METAP1: variants seen among roughly 807,000 people sequenced by gnomAD.
The protein encoded by METAP1 is methionine aminopeptidase 1.
Under a neutral mutation model 53.8 loss-of-function variants are expected in METAP1, and 28 were observed. The ratio of observed to expected loss-of-function variants is 0.52; its 90% CI spans 0.39 to 0.71. METAP1 has a LOEUF of 0.71. Among genes scored for constraint, METAP1 ranks in the 30% least tolerant of loss-of-function variants. The pLI is 0.00. For missense variants in METAP1, 389 were observed against 479.8 expected, an observed-to-expected ratio of 0.81 and a Z score of 1.77; for synonymous variants, 181 against 165.7, an observed-to-expected ratio of 1.09 and a Z score of -0.71.
chr4:99,021,207 T>C (rs1225064272), intron 1 of METAP1, among the ~76,000 whole-genome samples: 1 of 152,170 alleles, frequency 6.6e-6, no homozygotes, highest in East Asian at 1.9e-4. Context: ...ACAGTCACTT[T>C]CTCTCAACCA....
At chr4:99,026,388 G>T (rs1324200704) in intron 1 of METAP1, 1 of 985,414 alleles carries the variant, frequency 1.0e-6, no homozygotes, top group African/African-American at 1.7e-5. Context: ...TGTTAAGCTT[G>T]TGTGTGGAGT....
At chr4:99,034,967 A>G (rs1281078902) in intron 3 of METAP1, among the ~76,000 whole-genome samples, 4 of 152,056 alleles carry the variant, frequency 2.6e-5, no homozygotes, top group Non-Finnish European at 5.9e-5. Context: ...TTTACTGATG[A>G]TTTTCTTTTT....
chr4:99,049,114 G>A (rs555621428), intron 9 of METAP1, among the ~76,000 whole-genome samples: 1 of 152,180 alleles, frequency 6.6e-6, no homozygotes, highest in Admixed American at 6.5e-5. Flanking sequence ...TGTGACACAG[G>A]CTGTGTCATC....
chr4:98,999,800 T>A (rs926275403), intron 1 of METAP1, among the ~76,000 whole-genome samples: 4 of 152,086 alleles, frequency 2.6e-5, no homozygotes, highest in Admixed American at 6.5e-5. Context: ...CATGAGCCAC[T>A]GTGCCAGCCT....
At position 99,034,307 on chromosome 4, in the gene METAP1, C is replaced by G. The variant is rs1475338225; in HGVS notation, c.244C>G (p.Arg82Gly). ...TAATACTGACCCATGGGCAGGTTAT[C>G]GATATACTGGTAAACTCAGACCACA... ...DINTDPWAGY[R>G]YTGKLRPHYP... The change falls in exon 3 of 11, where the codon CGA (arginine) becomes GGA (glycine). Residue 82 changes from arginine (R) to glycine (G), a missense_variant. Physicochemically the swap from Arg to Gly is moderately radical, Grantham distance 125. Transcript: ENST00000296411. 1 of 1,547,592 alleles carries G rather than the reference C, an allele frequency of 6.5e-7. No homozygotes were observed. Among genetic ancestry groups the G allele is most frequent in the Non-Finnish European group, 8.7e-7 (1 of 1,143,598 alleles).
chr4:99,056,767 C>T (rs1219306730), intron 9 of METAP1, among the ~76,000 whole-genome samples: 2 of 152,146 alleles, frequency 1.3e-5, no homozygotes, highest in African/African-American at 4.8e-5. Flanking sequence ...GACAGGGTTT[C>T]ACCATGTTGG....
chr4:99,012,114 C>T (rs561255497), intron 1 of METAP1, among the ~76,000 whole-genome samples: 56 of 152,040 alleles, frequency 3.7e-4, no homozygotes, highest in South Asian at 6.2e-4. Context: ...TTGTCCAGGC[C>T]GGTCTTGCAT....
chr4:99,013,037 C>T (rs1723564825), intron 1 of METAP1, among the ~76,000 whole-genome samples: 1 of 152,216 alleles, frequency 6.6e-6, no homozygotes, highest in African/African-American at 2.4e-5. Flanking sequence ...TACTATGCAT[C>T]CCGTAAGTTT....
intron 1 of METAP1, among the ~76,000 whole-genome samples, chr4:99,003,837 G>A (rs1440453057): frequency 6.6e-6 from 1 of 152,160 alleles, no homozygotes; most frequent in Non-Finnish European, 1.5e-5. Flanking sequence ...CCAACTGGGT[G>A]TCCTTTAGTT....
At chr4:99,024,865 TGA>T (rs1375802311) in intron 1 of METAP1, among the ~76,000 whole-genome samples, 1 of 152,218 alleles carries the variant, frequency 6.6e-6, no homozygotes, top group Admixed American at 6.5e-5. Context: ...AAAAGTTTTG[TGA>T]AAGACAATTT....
chr4:99,045,156 T>C (rs1357172480), intron 7 of METAP1, 23 bp from the exon 8 acceptor site: 3 of 1,608,336 alleles, frequency 1.9e-6, no homozygotes, highest in South Asian at 2.2e-5. Flanking sequence ...GTATGGTCTT[T>C]ATATTTGCAC....
intron 1 of METAP1, among the ~76,000 whole-genome samples, chr4:99,018,910 G>A (rs1203185640): frequency 6.6e-6 from 1 of 152,114 alleles, no homozygotes; most frequent in African/African-American, 2.4e-5. Context: ...AGGGGAATCC[G>A]TAACTCCCTT....
chr4:99,039,654 C>T (rs565112205), intron 5 of METAP1, among the ~76,000 whole-genome samples, 189 bp downstream of exon 5: 163 of 150,994 alleles, frequency 1.1e-3, no homozygotes, highest in African/African-American at 3.8e-3. Context: ...AGTGCAGTGG[C>T]GTGATCTCTG....
intron 9 of METAP1, among the ~76,000 whole-genome samples, chr4:99,057,205 G>A (rs1727212735): frequency 6.6e-6 from 1 of 152,156 alleles, no homozygotes. Context: ...CATAGATTTT[G>A]TTCTTCTTTG....
intron 1 of METAP1, chr4:99,023,647 T>C (rs1724315132): frequency 7.1e-6 from 7 of 985,280 alleles, no homozygotes; most frequent in Non-Finnish European, 8.4e-6. Flanking sequence ...TAGCCACTAC[T>C]TTAGGATGGT....
intron 1 of METAP1, among the ~76,000 whole-genome samples, chr4:99,025,023 T>C (rs1287515157): frequency 6.6e-6 from 1 of 152,198 alleles, no homozygotes; most frequent in East Asian, 1.9e-4. Flanking sequence ...TGCGCTCCTA[T>C]GAGAATCTAA....
intron 1 of METAP1, chr4:99,022,550 A>G: frequency 4.7e-6 from 3 of 640,762 alleles, no homozygotes; most frequent in South Asian, 4.1e-5. Flanking sequence ...GCAAGAAAGC[A>G]TTGTCCCCAT....
At chr4:99,019,851 T>C (rs953130573) in intron 1 of METAP1, among the ~76,000 whole-genome samples, 1 of 152,244 alleles carries the variant, frequency 6.6e-6, no homozygotes, top group Admixed American at 6.5e-5. Flanking sequence ...TGTCAGGATC[T>C]AAATCAGCAT....
intron 4 of METAP1, 132 bp downstream of exon 4, chr4:99,035,592 A>G (rs1725369385): frequency 1.6e-6 from 1 of 635,170 alleles, no homozygotes; most frequent in African/African-American, 1.8e-5. Flanking sequence ...AAGCACCATT[A>G]GAACATTGAA....
Sources: allele counts gnomAD v4.1 joint callset (sites outside exome capture counted in the v4.1 genomes callset), GRCh38; gene constraint gnomAD v4.1.1; transcripts MANE v1.5; gene names NCBI Gene and HGNC (gene_info 2026-07-23, HGNC 2026-07-21).